NUDCD1: variants seen among roughly 807,000 people sequenced by gnomAD.
NUDCD1 encodes nudC domain-containing protein 1.
A neutral mutation model predicts 67.8 loss-of-function variants in NUDCD1; 60 were observed. The observed-to-expected ratio is 0.88, with a 90% CI of 0.72 to 1.10. The LOEUF (loss-of-function observed/expected upper bound fraction) is 1.10. Among genes scored for constraint, NUDCD1 ranks in the 50% least tolerant of loss-of-function variants. NUDCD1 has a pLI of 0.00. For missense variants in NUDCD1, 643 were observed against 695.0 expected (o/e 0.93, Z 0.84); for synonymous variants, 244 against 230.8 (o/e 1.06, Z -0.52).
chr8:109,321,609 GA>G (rs890230820), intron 2 of NUDCD1, among the ~76,000 whole-genome samples: 12 of 152,036 alleles, frequency 7.9e-5, no homozygotes, highest in African/African-American at 2.9e-4. Context: ...ATAATGAGAA[GA>G]GCAAGATGGT....
chr8:109,275,817 A>G (rs1056644589), intron 6 of NUDCD1, among the ~76,000 whole-genome samples: 1 of 152,212 alleles, frequency 6.6e-6, no homozygotes, highest in African/African-American at 2.4e-5. Flanking sequence ...TAATAGAAAT[A>G]CAAGAAGCAT....
At chr8:109,244,770 T>C (rs550861183) in intron 9 of NUDCD1, among the ~76,000 whole-genome samples, 21 of 152,324 alleles carry the variant, frequency 1.4e-4, no homozygotes, top group Admixed American at 2.6e-4. Context: ...AGTTTAAACA[T>C]TGTCAAGCCC....
rs1362068205 is a variant in NUDCD1 at position 109,281,007 on chromosome 8, T to C, written c.989A>G (p.Asp330Gly). 4 of 1,608,574 alleles carry C rather than the reference T, an allele frequency of 2.5e-6. No homozygotes were observed. In the African/African-American group the frequency reaches 5.3e-5, roughly 21 times the overall value. ...FLEGKLYSSI[D>G]HESSTWIIKE... ...AATTATCCATGTACTGCTTTCATGA[T>C]CAATAGATGAATAGAGTTTTCCTTC... is the stretch of plus-strand genomic sequence containing the variant. Residue 330 changes from aspartate to glycine, a missense_variant, in exon 6 of 10, where the codon GAT becomes GGT. Coordinates refer to ENST00000239690, the MANE Select transcript of NUDCD1 (RefSeq NM_032869.4).
At chr8:109,250,734 TTTC>T (rs1198036573) in intron 8 of NUDCD1, among the ~76,000 whole-genome samples, 27 of 152,144 alleles carry the variant, frequency 1.8e-4, no homozygotes, top group African/African-American at 3.4e-4. Flanking sequence ...ATCAAATATT[TTTC>T]TTTAGTCTGT....
At chr8:109,270,081 G>GGCT (rs1814106650) in intron 8 of NUDCD1, among the ~76,000 whole-genome samples, 1 of 31,736 alleles carries the variant, frequency 3.2e-5, no homozygotes, top group Non-Finnish European at 7.2e-5. Context: ...GGGGGGGGGG[G>GGCT]GTGCCTTAAG....
At chr8:109,300,190 GTTCT>G (rs1814951809) in intron 2 of NUDCD1, among the ~76,000 whole-genome samples, 1 of 152,014 alleles carries the variant, frequency 6.6e-6, no homozygotes, top group African/African-American at 2.4e-5. Flanking sequence ...ACAAAACAAG[GTTCT>G]TTAACACCCT....
intron 2 of NUDCD1, among the ~76,000 whole-genome samples, chr8:109,312,710 G>A (rs576186234): frequency 6.6e-5 from 10 of 152,278 alleles, no homozygotes; most frequent in Admixed American, 2.0e-4. Context: ...CTGACATTAC[G>A]GAGAAGGCCT....
intron 2 of NUDCD1, among the ~76,000 whole-genome samples, chr8:109,309,561 T>G (rs1418388484): frequency 6.6e-6 from 1 of 152,166 alleles, no homozygotes; most frequent in East Asian, 1.9e-4. Context: ...AAGACAAGCA[T>G]GCCCACTCTT....
intron 2 of NUDCD1, among the ~76,000 whole-genome samples, chr8:109,317,689 A>G (rs1815433145): frequency 6.6e-6 from 1 of 152,194 alleles, no homozygotes; most frequent in Non-Finnish European, 1.5e-5. Flanking sequence ...ACTGCTCTCA[A>G]AGAAGGAATA....
At chr8:109,299,863 C>T (rs1225918207) in intron 2 of NUDCD1, among the ~76,000 whole-genome samples, 1 of 152,178 alleles carries the variant, frequency 6.6e-6, no homozygotes, top group African/African-American at 2.4e-5. Context: ...ACCCCGCTGA[C>T]ACCTCCACAA....
At chr8:109,283,070 G>T (rs1252224109) in intron 5 of NUDCD1, among the ~76,000 whole-genome samples, 1 of 152,082 alleles carries the variant, frequency 6.6e-6, no homozygotes, top group Non-Finnish European at 1.5e-5. Flanking sequence ...TCCAAGAAAT[G>T]AAGGAAGAGA....
Position 109,275,325 on chromosome 8 carries a change from A to G in NUDCD1, c.1173+27T>C, listed in dbSNP as rs188123062. ...ATAACATATTTTTGGACCCTTGGAA[A>G]GTCACACTACTATTCCAACTACTTA... On this transcript the variant is annotated intron_variant, in intron 7 of 9. Coordinates refer to ENST00000239690, the MANE Select transcript of NUDCD1 (RefSeq NM_032869.4). 1.1e-4 allele frequency: 172 copies of G among 1,595,156 alleles called. No homozygotes were observed. In the African/African-American group the frequency reaches 2.1e-3, roughly 20 times the overall value.
At chr8:109,323,408 G>T (rs907626065) in intron 1 of NUDCD1, among the ~76,000 whole-genome samples, 2 of 152,162 alleles carry the variant, frequency 1.3e-5, no homozygotes, top group South Asian at 4.1e-4. Context: ...AGGCATCGAT[G>T]ACACAGTGAT....
chr8:109,280,899 A>G (rs1004790408), intron 6 of NUDCD1, 69 bp downstream of exon 6: 11 of 705,164 alleles, frequency 1.6e-5, no homozygotes, highest in African/African-American at 1.4e-4. Flanking sequence ...TGATGTAACC[A>G]CTGTGGAAAG....
rs1048828129 is a variant in NUDCD1, at chr8:109,271,045, A to C, written c.1259T>G (p.Leu420Ter). ...TAATGTATTGCCATCAAATCTGCATAAACTGGAGCTCTCTTCAAAGAAAAT... is the reference window on the plus strand; with the variant it reads ...TAATGTATTGCCATCAAATCTGCATCAACTGGAGCTCTCTTCAAAGAAAAT... ...CDIFFEESSS[L>*]CRFDGNTLKT... Residue 420 changes from leucine (L) to a stop codon, truncating the protein, a stop_gained, in exon 8 of 10, where the codon TTA (leucine) becomes TGA (stop). Coordinates refer to ENST00000239690, the MANE Select transcript of NUDCD1 (RefSeq NM_032869.4). LOFTEE classifies it high-confidence loss of function. 1.3e-6 allele frequency: 2 copies of C among 1,597,062 alleles called. No individual in the cohort carries two copies. The highest frequency in any genetic ancestry group is 1.7e-6 in the Non-Finnish European group (2 of 1,167,506).
chr8:109,260,928 G>A (rs749077774), intron 8 of NUDCD1, among the ~76,000 whole-genome samples: 8 of 152,146 alleles, frequency 5.3e-5, no homozygotes, highest in South Asian at 4.1e-4. Context: ...ACAAGTCTTC[G>A]AAATTGAATG....
chr8:109,305,070 G>A, intron 2 of NUDCD1, among the ~76,000 whole-genome samples: 1 of 152,108 alleles, frequency 6.6e-6, no homozygotes, highest in Non-Finnish European at 1.5e-5. Context: ...CTATCCTCAA[G>A]GAAATCCCTT....
At chr8:109,273,953 T>C (rs1000207530) in intron 7 of NUDCD1, among the ~76,000 whole-genome samples, 1 of 152,066 alleles carries the variant, frequency 6.6e-6, no homozygotes, top group Non-Finnish European at 1.5e-5. Context: ...TTCAGCAATA[T>C]GTAAAAGGAT....
At chr8:109,275,607 C>A in intron 6 of NUDCD1, 111 bp from the exon 7 acceptor site, 1 of 1,006,218 alleles carries the variant, frequency 9.9e-7, no homozygotes, top group Non-Finnish European at 1.4e-6. Context: ...CCTCCGGTGT[C>A]CAGAGGATGG....
Sources: gnomAD v4.1 joint callset for allele counts (sites outside exome capture counted in the v4.1 genomes callset) on GRCh38, gnomAD v4.1.1 for gene constraint, MANE v1.5 for transcripts, NCBI Gene and HGNC (gene_info 2026-07-23, HGNC 2026-07-21) for gene names.